Variants in ST6GALNAC3 observed in about 807,000 individuals in gnomAD.
ST6GALNAC3 encodes ST6 N-acetylgalactosaminide alpha-2,6-sialyltransferase 3.
A neutral mutation model predicts 32.7 loss-of-function variants in ST6GALNAC3; 25 were observed. That is an observed-to-expected ratio of 0.76 (90% CI 0.56 to 1.07). The LOEUF is 1.07. ST6GALNAC3 is among the 50% of genes least tolerant of loss of function. The pLI, the probability that ST6GALNAC3 is intolerant of heterozygous loss-of-function variation, is 0.00. For missense variants in ST6GALNAC3, 355 were observed against 382.4 expected, an observed-to-expected ratio of 0.93 and a Z score of 0.60; for synonymous variants, 129 against 133.1, an observed-to-expected ratio of 0.97 and a Z score of 0.21.
At chr1:76,217,554 T>G (rs939794755) in intron 1 of ST6GALNAC3, among the ~76,000 whole-genome samples, 1 of 152,212 alleles carries the variant, frequency 6.6e-6, no homozygotes, top group Admixed American at 6.5e-5. Context: ...GGAGAACCAG[T>G]GGTGTTTGGT....
chr1:76,143,687 A>G (rs575768602), intron 1 of ST6GALNAC3, among the ~76,000 whole-genome samples: 40 of 152,184 alleles, frequency 2.6e-4, no homozygotes, highest in Admixed American at 7.2e-4. Flanking sequence ...GCTGACATCA[A>G]AAACTTTTGG....
At chr1:76,523,086 C>A (rs1349560196) in intron 3 of ST6GALNAC3, among the ~76,000 whole-genome samples, 1 of 152,100 alleles carries the variant, frequency 6.6e-6, no homozygotes, top group Admixed American at 6.6e-5. Context: ...CTGACCCAAC[C>A]TTGATATCTG....
At chr1:76,261,605 T>C (rs1658240772) in intron 1 of ST6GALNAC3, among the ~76,000 whole-genome samples, 1 of 152,342 alleles carries the variant, frequency 6.6e-6, no homozygotes, top group East Asian at 1.9e-4. Flanking sequence ...AAAACAGTGC[T>C]GCTCTCAAAG....
intron 1 of ST6GALNAC3, among the ~76,000 whole-genome samples, chr1:76,289,678 T>G (rs1199653088): frequency 6.6e-6 from 1 of 152,192 alleles, no homozygotes; most frequent in Non-Finnish European, 1.5e-5. Context: ...GATGAAGCAT[T>G]GATAGAAGGA....
intron 1 of ST6GALNAC3, among the ~76,000 whole-genome samples, chr1:76,175,462 T>C (rs548657154): frequency 2.0e-5 from 3 of 152,190 alleles, no homozygotes; most frequent in African/African-American, 7.2e-5. Flanking sequence ...TCTTATTTTA[T>C]CCATATTTTG....
intron 3 of ST6GALNAC3, among the ~76,000 whole-genome samples, chr1:76,442,632 G>A (rs923383520): frequency 2.8e-4 from 42 of 151,944 alleles, no homozygotes; most frequent in Non-Finnish European, 1.9e-4. Flanking sequence ...ATCTGTTCCC[G>A]GCAACAGATG....
intron 1 of ST6GALNAC3, among the ~76,000 whole-genome samples, chr1:76,171,308 G>A (rs1006153495): frequency 6.6e-6 from 1 of 151,888 alleles, no homozygotes; most frequent in South Asian, 2.1e-4. Context: ...TTTTAATTTT[G>A]TGCTTAATAC....
At chr1:76,607,630 AC>A (rs1647646743) in intron 3 of ST6GALNAC3, among the ~76,000 whole-genome samples, 1 of 152,024 alleles carries the variant, frequency 6.6e-6, no homozygotes, top group African/African-American at 2.4e-5. Context: ...GAATTTTAGG[AC>A]CTCTCTGCCG....
chr1:76,497,095 A>G (rs1196294621), intron 3 of ST6GALNAC3, among the ~76,000 whole-genome samples: 1 of 152,058 alleles, frequency 6.6e-6, no homozygotes, highest in Non-Finnish European at 1.5e-5. Flanking sequence ...TCTTCGGGAG[A>G]GCTGGTCATG....
intron 1 of ST6GALNAC3, among the ~76,000 whole-genome samples, chr1:76,287,969 T>G (rs2100807597): frequency 6.6e-6 from 1 of 152,258 alleles, no homozygotes; most frequent in South Asian, 2.1e-4. Flanking sequence ...GCAGAAGGGG[T>G]TTAGCAATCA....
rs1656090773 is a variant in ST6GALNAC3 at position 76,226,698 on chromosome 1, G to T, written c.19-87107G>T. 2.6e-5 allele frequency among the ~76,000 whole-genome samples: 4 copies of T among 152,044 alleles called. No individual in the cohort carries two copies. The South Asian group carries it at 8.3e-4, about 32-fold the overall frequency. On this transcript the variant is annotated intron_variant, in intron 1 of 4. Transcript: ENST00000328299. ...AGGAGCAGGAGGAAGAGAGAGAGTTGGGGGTGGGGTGCCACACCTTTAAAC... is the reference window on the plus strand; with the variant it reads ...AGGAGCAGGAGGAAGAGAGAGAGTTTGGGGTGGGGTGCCACACCTTTAAAC...
intron 3 of ST6GALNAC3, among the ~76,000 whole-genome samples, chr1:76,616,152 G>A (rs964318449): frequency 9.2e-5 from 14 of 152,050 alleles, no homozygotes; most frequent in Admixed American, 3.9e-4. Context: ...ATTGCCAGCC[G>A]AACTGTGTAG....
chr1:76,357,382 C>T (rs977270920), intron 2 of ST6GALNAC3, among the ~76,000 whole-genome samples: 7 of 152,140 alleles, frequency 4.6e-5, no homozygotes, highest in East Asian at 3.9e-4. Context: ...GTGATCAACC[C>T]GCCTTGGCCT....
At chr1:76,448,117 C>T (rs916510498) in intron 3 of ST6GALNAC3, among the ~76,000 whole-genome samples, 1 of 152,116 alleles carries the variant, frequency 6.6e-6, no homozygotes, top group Non-Finnish European at 1.5e-5. Context: ...GTGGAGCTAC[C>T]CAAGACCATG....
chr1:76,188,854 G>A (rs1274991923), intron 1 of ST6GALNAC3, among the ~76,000 whole-genome samples: 1 of 152,188 alleles, frequency 6.6e-6, no homozygotes, highest in Non-Finnish European at 1.5e-5. Flanking sequence ...CTGTCTCAGG[G>A]TTGTCAGAGG....
At chr1:76,269,457 T>A (rs1185781074) in intron 1 of ST6GALNAC3, among the ~76,000 whole-genome samples, 1 of 152,164 alleles carries the variant, frequency 6.6e-6, no homozygotes, top group Non-Finnish European at 1.5e-5. Context: ...ATTTTCAGAT[T>A]TTTCAAGAGA....
At chr1:76,592,131 A>G (rs960364880) in intron 3 of ST6GALNAC3, among the ~76,000 whole-genome samples, 1 of 152,138 alleles carries the variant, frequency 6.6e-6, no homozygotes, top group Non-Finnish European at 1.5e-5. Context: ...AGAATGACAT[A>G]ATCAGCTTTG....
intron 1 of ST6GALNAC3, among the ~76,000 whole-genome samples, chr1:76,156,825 G>A (rs921040333): frequency 2.6e-4 from 40 of 152,230 alleles, no homozygotes; most frequent in Middle Eastern, 3.4e-3. Context: ...TCCGCCTCCC[G>A]GGTTCACGCC....
intron 2 of ST6GALNAC3, among the ~76,000 whole-genome samples, chr1:76,348,162 A>G (rs1430916175): frequency 6.6e-6 from 1 of 152,068 alleles, no homozygotes; most frequent in Non-Finnish European, 1.5e-5. Flanking sequence ...ACAGAATACA[A>G]CTGAAAAATG....
Sources: allele counts gnomAD v4.1 joint callset (sites outside exome capture counted in the v4.1 genomes callset), GRCh38; gene constraint gnomAD v4.1.1; transcripts MANE v1.5; gene names NCBI Gene and HGNC (gene_info 2026-07-23, HGNC 2026-07-21).